Variants in SLC25A10 observed in about 807,000 individuals in gnomAD.
The protein encoded by SLC25A10 is solute carrier family 25 member 10, also known as mitochondrial dicarboxylate carrier.
In SLC25A10, 32 loss-of-function variants were observed where a neutral mutation model predicts 40.4. The observed-to-expected ratio is 0.79, with a 90% CI of 0.60 to 1.06. The LOEUF (loss-of-function observed/expected upper bound fraction) is 1.06. Ranked by LOEUF, SLC25A10 falls within the 50% of genes least tolerant of loss-of-function variation. SLC25A10 has a pLI of 0.00. For synonymous variants in SLC25A10, 181 were observed against 171.1 expected (o/e 1.06, Z -0.45); for missense variants, 394 against 402.6 (o/e 0.98, Z 0.18).
intron 1 of SLC25A10, among the ~76,000 whole-genome samples, 159 bp downstream of exon 1, chr17:81,712,678 G>T (rs1193651956): frequency 6.6e-6 from 1 of 152,168 alleles, no homozygotes; most frequent in Non-Finnish European, 1.5e-5. Flanking sequence ...GGCCGATCCC[G>T]GGTGGCCCTC....
At chr17:81,714,879 T>A (rs1207842519) in intron 1 of SLC25A10, 74 bp from the exon 2 acceptor site, 10 of 1,573,264 alleles carry the variant, frequency 6.4e-6, no homozygotes, top group Non-Finnish European at 8.6e-6. Context: ...CTGCCTCAGT[T>A]TCCCCCTCTC....
chr17:81,712,331 G>A lies in SLC25A10; in HGVS notation c.-96G>A, dbSNP rs2037395784. 1 of 829,106 alleles carries A rather than the reference G, an allele frequency of 1.2e-6. No individual in the cohort carries two copies. The allele number at this position is 829,106 out of a possible 1,614,324, so 51.4% of individuals were successfully genotyped here. A position where few individuals can be genotyped will look rare whatever the true frequency, so the allele number is the denominator to read the frequency against. ...GCGCGCGGGCGGCGCTTTGAACCGG[G>A]CGCGGGGCGCGGGGCGCGGGGCGCT... On this transcript the variant is annotated 5_prime_UTR_variant, in exon 1 of 11. Transcript: ENST00000350690.
chr17:81,715,737 G>C lies in SLC25A10; in HGVS notation c.373G>C (p.Val125Leu), dbSNP rs745316913. The change falls in exon 4 of 11, where the codon GTC becomes CTC. Residue 125 changes from valine (V) to leucine (L), a missense_variant. Coordinates refer to ENST00000350690, the MANE Select transcript of SLC25A10 (RefSeq NM_012140.5). ...FVGTPADLVNVRMQNDVKLPQ... is the reference protein window; with the variant it reads ...FVGTPADLVNLRMQNDVKLPQ... Reference sequence around the variant, plus strand: ...GGGGACGCCCGCAGACTTGGTCAACGTCAGGTTGGTGTTCCCCCACCCCAC... The same window carrying C: ...GGGGACGCCCGCAGACTTGGTCAACCTCAGGTTGGTGTTCCCCCACCCCAC... The C allele has an allele frequency of 1.2e-6, 2 of 1,613,288 alleles. No homozygotes were observed. Among genetic ancestry groups the C allele is most frequent in the Non-Finnish European group, 1.7e-6 (2 of 1,179,942 alleles).
chr17:81,718,196 A>T (rs2037523813), intron 9 of SLC25A10, among the ~76,000 whole-genome samples: 1 of 151,948 alleles, frequency 6.6e-6, no homozygotes, highest in Non-Finnish European at 1.5e-5. Context: ...AATTACAAAA[A>T]TTAGGGGCCA....
intron 1 of SLC25A10, among the ~76,000 whole-genome samples, chr17:81,712,940 G>A (rs1013909238): frequency 3.3e-5 from 5 of 152,234 alleles, no homozygotes; most frequent in Non-Finnish European, 5.9e-5. Context: ...GAGACGTGCT[G>A]GCTGTAGCAT....
At chr17:81,716,791 G>C in intron 5 of SLC25A10, 21 bp from the exon 6 acceptor site, 1 of 1,601,288 alleles carries the variant, frequency 6.2e-7, no homozygotes, top group Non-Finnish European at 8.5e-7. Flanking sequence ...GTCTCATGTG[G>C]TCATTCTGTG....
rs1244179926 is a variant in SLC25A10, at chr17:81,719,975, G to A, written c.763-1G>A. The A allele has an allele frequency of 2.5e-6, 4 of 1,613,798 alleles. No homozygotes were observed. The highest frequency in any genetic ancestry group is 3.4e-6 in the Non-Finnish European group (4 of 1,180,036). On this transcript the variant is annotated splice_acceptor_variant, in intron 10 of 10. Coordinates refer to ENST00000350690, the MANE Select transcript of SLC25A10 (RefSeq NM_012140.5). LOFTEE classifies it high-confidence loss of function. The stretch of plus-strand genomic sequence containing the variant: ...CTCTCATTTTCCCTGTCTCCCTCCA[G>A]GGCCTCGTCCCAGCTGGCATCCGCC...
At chr17:81,717,951 G>A (rs866765236) in intron 9 of SLC25A10, 90 bp downstream of exon 9, 47 of 951,798 alleles carry the variant, frequency 4.9e-5, no homozygotes, top group Middle Eastern at 5.7e-4. Flanking sequence ...CTGGGGACCC[G>A]GGGAAGGGTG....
rs557949594 is a variant in SLC25A10 at position 81,718,001 on chromosome 17, C to A, written c.705+140C>A. ...TTGCCTGTCTCTGCACAGCACTTGC[C>A]TTGGGAGAGGGTTGTGCCTTTGAAT... On this transcript the variant is annotated intron_variant, in intron 9 of 10. Coordinates refer to ENST00000350690, the MANE Select transcript of SLC25A10 (RefSeq NM_012140.5). The A allele has an allele frequency of 4.5e-6, 3 of 672,564 alleles. No homozygotes were observed. In the East Asian group the frequency reaches 8.2e-5, roughly 18 times the overall value. The allele number at this position is 672,564 out of a possible 1,614,324, so 41.7% of individuals were successfully genotyped here.
intron 7 of SLC25A10, 92 bp downstream of exon 7, chr17:81,717,164 A>C: frequency 6.9e-7 from 1 of 1,442,988 alleles, no homozygotes; most frequent in Non-Finnish European, 9.7e-7. Flanking sequence ...CTGGGCGCCA[A>C]AACCCTCCTG....
chr17:81,716,739 G>A lies in SLC25A10; in HGVS notation c.420-73G>A, dbSNP rs764340210. 21 of 1,504,686 alleles carry A rather than the reference G, an allele frequency of 1.4e-5. No homozygotes were observed. The East Asian group carries it at 5.1e-4, about 36-fold the overall frequency. 93.2% of individuals were successfully genotyped at this position (1,504,686 alleles called of 1,614,324 possible). A position where few individuals can be genotyped will look rare whatever the true frequency, so the allele number is the denominator to read the frequency against. ...CCTCGAGAACCCCCGGCCTGCCTCG[G>A]GGCCTGGGAGGACCCTCTGTGGGAG... On this transcript the variant is annotated intron_variant, in intron 5 of 10. Coordinates refer to ENST00000350690, the MANE Select transcript of SLC25A10 (RefSeq NM_012140.5).
chr17:81,719,494 T>C (rs2037549461), intron 9 of SLC25A10, among the ~76,000 whole-genome samples: 1 of 152,206 alleles, frequency 6.6e-6, no homozygotes, highest in African/African-American at 2.4e-5. Context: ...GCAGAGCCCA[T>C]AGCTCTGTCC....
Position 81,714,949 on chromosome 17 carries a change from G to T in SLC25A10, c.94-4G>T. On this transcript the variant is annotated splice_polypyrimidine_tract_variant and splice_region_variant and intron_variant, in intron 1 of 10. Coordinates refer to ENST00000350690, the MANE Select transcript of SLC25A10 (RefSeq NM_012140.5). ...GTGGGGTCTGAGAGCACTCACTCCC[G>T]CAGGTGCATCTGCAGACGCAGCAGG... 5 of 1,607,154 alleles carry T rather than the reference G, an allele frequency of 3.1e-6. No homozygotes were observed. In the South Asian group the frequency reaches 4.4e-5, roughly 14 times the overall value.
chr17:81,715,754 C>T lies in SLC25A10; in HGVS notation c.377+13C>T. Reference sequence around the variant, plus strand: ...TGGTCAACGTCAGGTTGGTGTTCCCCCACCCCACCTGCAAGGCCAGGGGCT... The same window carrying T: ...TGGTCAACGTCAGGTTGGTGTTCCCTCACCCCACCTGCAAGGCCAGGGGCT... On this transcript the variant is annotated intron_variant, in intron 4 of 10. Coordinates refer to ENST00000350690, the MANE Select transcript of SLC25A10 (RefSeq NM_012140.5). 6.2e-7 allele frequency: 1 copy of T among 1,613,108 alleles called. No individual in the cohort carries two copies. Among genetic ancestry groups the T allele is most frequent in the Non-Finnish European group, 8.5e-7 (1 of 1,179,840 alleles).
chr17:81,715,448 G>A lies in SLC25A10; in HGVS notation c.214-30G>A, dbSNP rs8067421. Reference sequence around the variant, plus strand: ...AGGCTGAGGGGTGTGGGGCGTGCCCGTCCCTCCAAGCCAGGCCCTTCTCCC... The same window carrying A: ...AGGCTGAGGGGTGTGGGGCGTGCCCATCCCTCCAAGCCAGGCCCTTCTCCC... On this transcript the variant is annotated intron_variant, in intron 2 of 10. Transcript: ENST00000350690. 2.1e-3 allele frequency: 3,342 copies of A among 1,577,990 alleles called. 46 individuals carry two copies. The African/African-American group carries it at 0.037, about 18-fold the overall frequency.
intron 1 of SLC25A10, among the ~76,000 whole-genome samples, chr17:81,712,892 G>A (rs1274423070): frequency 6.6e-6 from 1 of 152,240 alleles, no homozygotes; most frequent in African/African-American, 2.4e-5. Context: ...TAGAAGTTGT[G>A]GGGGGAGTTC....
chr17:81,715,831 T>A, intron 4 of SLC25A10, 90 bp downstream of exon 4: 1 of 1,554,984 alleles, frequency 6.4e-7, no homozygotes, highest in Non-Finnish European at 8.9e-7. Flanking sequence ...CAGGGTGGGG[T>A]CAGCCTGGAA....
At chr17:81,714,913 T>G (rs2037452134) in intron 1 of SLC25A10, 40 bp from the exon 2 acceptor site, 1 of 1,599,520 alleles carries the variant, frequency 6.3e-7, no homozygotes, top group East Asian at 2.2e-5. Context: ...CACCGATCCC[T>G]CGGGGTCGCT....
chr17:81,716,067 C>T lies in SLC25A10; in HGVS notation c.419+17C>T. On this transcript the variant is annotated intron_variant, in intron 5 of 10. Transcript: ENST00000350690. ...GCGGCGCAAGTGAGTCATGGGCGGC[C>T]TTCTCGGGGTGGTTGAGGTGCAGGA... 3.1e-6 allele frequency: 5 copies of T among 1,589,486 alleles called. No homozygotes were observed. Among genetic ancestry groups the T allele is most frequent in the Admixed American group, 1.8e-5 (1 of 56,540 alleles).
Sources: allele counts gnomAD v4.1 joint callset (sites outside exome capture counted in the v4.1 genomes callset), GRCh38; gene constraint gnomAD v4.1.1; transcripts MANE v1.5; gene names NCBI Gene and HGNC (gene_info 2026-07-23, HGNC 2026-07-21).